The following TMPRSS11D variants were observed in gnomAD, a reference collection of about 807,000 sequenced individuals.
TMPRSS11D encodes the protein transmembrane serine protease 11D.
In TMPRSS11D, 32 loss-of-function variants were observed where a neutral mutation model predicts 44.4. The observed-to-expected ratio is 0.72, with a 90% CI of 0.54 to 0.97. TMPRSS11D has a LOEUF of 0.97. TMPRSS11D is among the 50% of genes least tolerant of loss of function. The probability of loss-of-function intolerance (pLI) is 0.00; values close to 1 mark genes in which losing one functional copy is unlikely to be tolerated. For missense variants in TMPRSS11D, 446 were observed against 502.6 expected (o/e 0.89, Z 1.08); for synonymous variants, 179 against 177.9 (o/e 1.01, Z -0.05).
At chr4:67,824,665 G>A (rs1309354082) in intron 9 of TMPRSS11D, among the ~76,000 whole-genome samples, 1 of 152,092 alleles carries the variant, frequency 6.6e-6, no homozygotes, top group South Asian at 2.1e-4. Flanking sequence ...TGGATTGGGG[G>A]CTTTCCATGA....
chr4:67,830,154 A>G (rs769141143), intron 7 of TMPRSS11D, among the ~76,000 whole-genome samples: 2 of 152,072 alleles, frequency 1.3e-5, no homozygotes, highest in Non-Finnish European at 2.9e-5. Flanking sequence ...AAGAAACAAT[A>G]TTAGACTTTT....
At chr4:67,857,230 C>A (rs1028048118) in intron 2 of TMPRSS11D, among the ~76,000 whole-genome samples, 1 of 148,318 alleles carries the variant, frequency 6.7e-6, no homozygotes, top group African/African-American at 2.5e-5. Flanking sequence ...GTGGAATCAA[C>A]CTATGTGTCC....
chr4:67,845,284 C>T lies in TMPRSS11D; in HGVS notation c.250-2659G>A, dbSNP rs189782996. Among the ~76,000 whole-genome samples, 270 of 152,304 alleles carry T rather than the reference C, an allele frequency of 1.8e-3. 1 individual carries two copies. The highest frequency in any genetic ancestry group is 6.8e-3 in the Middle Eastern group (2 of 294). On this transcript the variant is annotated intron_variant, in intron 3 of 9. Transcript: ENST00000283916. ...GAGTGGGTGAAAATGTTACTACCAA[C>T]TCTCATTAGAACTTAACAAATGCTT...
At chr4:67,851,399 G>A (rs186088050) in intron 3 of TMPRSS11D, among the ~76,000 whole-genome samples, 59 of 152,120 alleles carry the variant, frequency 3.9e-4, no homozygotes, top group Non-Finnish European at 3.7e-4. Context: ...GTAAAGGCAG[G>A]CAATGGCTGA....
At chr4:67,880,616 TTTTA>T (rs1214712865) in intron 1 of TMPRSS11D, among the ~76,000 whole-genome samples, 3 of 152,098 alleles carry the variant, frequency 2.0e-5, no homozygotes, top group African/African-American at 7.2e-5. Flanking sequence ...ACTCGGTGGC[TTTTA>T]TTTATTTATA....
At chr4:67,873,546 T>A (rs1719109920) in intron 1 of TMPRSS11D, among the ~76,000 whole-genome samples, 1 of 152,138 alleles carries the variant, frequency 6.6e-6, no homozygotes, top group East Asian at 1.9e-4. Flanking sequence ...AAAAATCTAT[T>A]AATAAAGAGC....
At chr4:67,855,303 A>G (rs1718612037) in intron 2 of TMPRSS11D, among the ~76,000 whole-genome samples, 1 of 152,066 alleles carries the variant, frequency 6.6e-6, no homozygotes, top group Non-Finnish European at 1.5e-5. Flanking sequence ...ACACAGAGGC[A>G]AAAATACTCA....
intron 1 of TMPRSS11D, among the ~76,000 whole-genome samples, chr4:67,863,226 T>C (rs371095844): frequency 1.3e-5 from 2 of 150,384 alleles, no homozygotes; most frequent in East Asian, 2.0e-4. Flanking sequence ...GAACCTGATA[T>C]ACATGCAATA....
rs1717815857 is a variant in TMPRSS11D at position 67,827,183 on chromosome 4, T to C, written c.952+78A>G. 37 of 1,510,576 alleles carry C rather than the reference T, an allele frequency of 2.4e-5. No individual in the cohort carries two copies. The South Asian group carries it at 4.5e-4, about 18-fold the overall frequency. The allele number at this position is 1,510,576 out of a possible 1,614,324, so 93.6% of individuals were successfully genotyped here. On this transcript the variant is annotated intron_variant, in intron 8 of 9. Transcript: ENST00000283916. ...GAAGAATAGAAACACCTATTCCAGATGTTTCCTAATTTAAAAAATTACCTA... is the reference window on the plus strand; with the variant it reads ...GAAGAATAGAAACACCTATTCCAGACGTTTCCTAATTTAAAAAATTACCTA...
intron 3 of TMPRSS11D, among the ~76,000 whole-genome samples, chr4:67,845,776 T>A (rs1718342663): frequency 6.6e-6 from 1 of 152,172 alleles, no homozygotes. Flanking sequence ...TCTAGAATCC[T>A]TAATATCCAT....
At chr4:67,841,390 C>A (rs998351145) in intron 4 of TMPRSS11D, among the ~76,000 whole-genome samples, 3 of 152,106 alleles carry the variant, frequency 2.0e-5, no homozygotes, top group African/African-American at 7.2e-5. Context: ...TATACAAGGC[C>A]ATGCAAACCA....
intron 3 of TMPRSS11D, among the ~76,000 whole-genome samples, chr4:67,853,343 G>C (rs1046384771): frequency 7.9e-5 from 12 of 152,210 alleles, no homozygotes; most frequent in Non-Finnish European, 1.0e-4. Flanking sequence ...ATGTAGAAAT[G>C]CTGATAAAAT....
At chr4:67,883,284 T>G (rs1719365715) in intron 1 of TMPRSS11D, among the ~76,000 whole-genome samples, 1 of 152,080 alleles carries the variant, frequency 6.6e-6, no homozygotes, top group Non-Finnish European at 1.5e-5. Flanking sequence ...ATTATTTCAT[T>G]GTTTTGAGAT....
chr4:67,838,401 C>T, intron 4 of TMPRSS11D, 72 bp from the exon 5 acceptor site: 1 of 1,347,590 alleles, frequency 7.4e-7, no homozygotes, highest in Non-Finnish European at 9.8e-7. Context: ...ATATATTCTT[C>T]TTGATTAAAC....
At chr4:67,881,225 G>A (rs1271843957) in intron 1 of TMPRSS11D, among the ~76,000 whole-genome samples, 3 of 152,158 alleles carry the variant, frequency 2.0e-5, no homozygotes, top group Admixed American at 1.3e-4. Flanking sequence ...TATTTTAGGG[G>A]TGCCAGTCAT....
intron 1 of TMPRSS11D, among the ~76,000 whole-genome samples, chr4:67,880,793 A>G (rs1719303731): frequency 6.6e-6 from 1 of 152,082 alleles, no homozygotes; most frequent in Non-Finnish European, 1.5e-5. Flanking sequence ...CATGCCCATC[A>G]ATGACTTATT....
rs372884684 is a variant in TMPRSS11D, at chr4:67,830,529, CT to C, written c.692+2674del. The stretch of plus-strand genomic sequence containing the variant: ...AATAAAAATTCTATGACCGGAAATA[CT>C]TTTATAAGACACAGTAGTTTGTGTA... On this transcript the variant is annotated intron_variant, in intron 7 of 9. Transcript: ENST00000283916. Among the ~76,000 whole-genome samples, 895 of 152,054 alleles carry C rather than the reference CT, an allele frequency of 5.9e-3. 14 individuals carry two copies. The highest frequency in any genetic ancestry group is 0.02 in the African/African-American group (850 of 41,518).
intron 1 of TMPRSS11D, among the ~76,000 whole-genome samples, chr4:67,868,095 A>AATATATATATATATATATATAT (rs923681603): frequency 2.7e-4 from 40 of 150,884 alleles, no homozygotes; most frequent in African/African-American, 9.8e-4. Flanking sequence ...TAGATAGAGA[A>AATATATATATATATATATATAT]ATATATATAT....
chr4:67,823,673 A>G (rs956953628), intron 9 of TMPRSS11D, among the ~76,000 whole-genome samples: 1 of 152,106 alleles, frequency 6.6e-6, no homozygotes, highest in Non-Finnish European at 1.5e-5. Context: ...CTGTTTAATT[A>G]CTGGTCTAGG....
Sources: allele counts gnomAD v4.1 joint callset (sites outside exome capture counted in the v4.1 genomes callset), GRCh38; gene constraint gnomAD v4.1.1; transcripts MANE v1.5; gene names NCBI Gene and HGNC (gene_info 2026-07-23, HGNC 2026-07-21).